The following C10orf90 variants were observed in gnomAD, a reference collection of about 807,000 sequenced individuals.
C10orf90 encodes the protein chromosome 10 open reading frame 90.
C10orf90 carries 56 observed loss-of-function variants against 62.5 expected under a neutral mutation model. The observed-to-expected ratio is 0.90, with a 90% CI of 0.72 to 1.12. The LOEUF is 1.12. Ranked by LOEUF, C10orf90 falls within the 50% of genes most tolerant of loss-of-function variation. The pLI is 0.00. For synonymous variants in C10orf90, 386 were observed against 340.4 expected, an observed-to-expected ratio of 1.13 and a Z score of -1.47; for missense variants, 970 against 880.4, an observed-to-expected ratio of 1.10 and a Z score of -1.29.
At chr10:126,608,672 C>G (rs1197091037) in intron 2 of C10orf90, among the ~76,000 whole-genome samples, 2 of 152,120 alleles carry the variant, frequency 1.3e-5, no homozygotes, top group Non-Finnish European at 2.9e-5. Flanking sequence ...TATGCAGAAG[C>G]AGATATGAAA....
chr10:126,507,095 C>T (rs1326866913), intron 3 of C10orf90, among the ~76,000 whole-genome samples: 8 of 152,072 alleles, frequency 5.3e-5, no homozygotes, highest in African/African-American at 9.7e-5. Flanking sequence ...CGGTGGCTCA[C>T]GCCTGTAATC....
intron 2 of C10orf90, among the ~76,000 whole-genome samples, chr10:126,528,382 A>G (rs1285576971): frequency 6.6e-6 from 1 of 152,216 alleles, no homozygotes; most frequent in Non-Finnish European, 1.5e-5. Context: ...GTGTGTGGGA[A>G]GAAAGAGCAA....
intron 2 of C10orf90, among the ~76,000 whole-genome samples, chr10:126,565,111 T>TAATATTTATATTAC (rs1564874001): frequency 2.2e-4 from 9 of 40,886 alleles, no homozygotes; most frequent in Non-Finnish European, 3.3e-4. Flanking sequence ...ATATAAAATA[T>TAATATTTATATTAC]ATATTATATA....
intron 2 of C10orf90, among the ~76,000 whole-genome samples, chr10:126,597,723 A>G (rs1845114925): frequency 6.6e-6 from 1 of 152,146 alleles, no homozygotes; most frequent in Admixed American, 6.5e-5. Flanking sequence ...AAATTTAATG[A>G]ATGACTAGAT....
chr10:126,603,155 C>T (rs1845233879), intron 2 of C10orf90, among the ~76,000 whole-genome samples: 1 of 150,918 alleles, frequency 6.6e-6, no homozygotes, highest in African/African-American at 2.4e-5. Context: ...TCCGTTCTCA[C>T]GCTGCTAATA....
chr10:126,442,497 A>ATATATATATATATATATATATATCTATC (rs1168803860), intron 7 of C10orf90, among the ~76,000 whole-genome samples: 1 of 110,454 alleles, frequency 9.1e-6, no homozygotes, highest in Admixed American at 9.2e-5. Flanking sequence ...ATATATATAT[A>ATATATATATATATATATATATATCTATC]TATATATATA....
chr10:126,553,380 T>A (rs1340391426), intron 2 of C10orf90, among the ~76,000 whole-genome samples: 1 of 152,078 alleles, frequency 6.6e-6, no homozygotes, highest in African/African-American at 2.4e-5. Context: ...TAGTGACAAA[T>A]AAGGACATGA....
At chr10:126,589,933 C>T (rs114441221) in intron 2 of C10orf90, among the ~76,000 whole-genome samples, 2,734 of 152,238 alleles carry the variant, frequency 0.018, 67 homozygotes, top group African/African-American at 0.061. Flanking sequence ...CATCATTATG[C>T]TGTCTTCAAA....
At chr10:126,478,239 C>A (rs1206133664) in intron 4 of C10orf90, among the ~76,000 whole-genome samples, 2 of 152,160 alleles carry the variant, frequency 1.3e-5, no homozygotes, top group East Asian at 1.9e-4. Flanking sequence ...ATAACTGGGA[C>A]CTATTCCCAC....
At chr10:126,642,085 C>G (rs111891189) in intron 2 of C10orf90, among the ~76,000 whole-genome samples, 2 of 152,128 alleles carry the variant, frequency 1.3e-5, no homozygotes, top group Non-Finnish European at 2.9e-5. Context: ...GGCTACCACC[C>G]GCATCACTGA....
chr10:126,649,510 C>T (rs1415218789), intron 1 of C10orf90, among the ~76,000 whole-genome samples: 3 of 152,144 alleles, frequency 2.0e-5, no homozygotes, highest in African/African-American at 7.2e-5. Flanking sequence ...CACGCATTGT[C>T]CTATTTGCAT....
chr10:126,496,605 C>T (rs906473862), intron 4 of C10orf90: 2 of 958,444 alleles, frequency 2.1e-6, no homozygotes, highest in African/African-American at 1.8e-5. Context: ...CCCTCCACTT[C>T]AATTTTAAAC....
rs115094714 is a variant in C10orf90 at position 126,551,496 on chromosome 10, G to A, written c.314-37557C>T. On this transcript the variant is annotated intron_variant, in intron 2 of 9. Transcript: ENST00000488181. ...ACATGTTGGATTGAATTCCTGAATG[G>A]TTAAACATTATATGGGGAGGGAGTG... Among the ~76,000 whole-genome samples the A allele has an allele frequency of 8.4e-3, 1,271 of 151,302 alleles. 22 individuals carry two copies. The highest frequency in any genetic ancestry group is 0.029 in the African/African-American group (1,218 of 41,308).
chr10:126,622,015 C>T (rs1845653343), intron 2 of C10orf90, among the ~76,000 whole-genome samples: 1 of 152,058 alleles, frequency 6.6e-6, no homozygotes, highest in African/African-American at 2.4e-5. Flanking sequence ...CAAGCATCGT[C>T]CTGGCCTATC....
intron 7 of C10orf90, among the ~76,000 whole-genome samples, chr10:126,441,524 G>A (rs1214257320): frequency 6.6e-6 from 1 of 152,110 alleles, no homozygotes; most frequent in East Asian, 1.9e-4. Context: ...AGTGCAAGAA[G>A]CACAAAGAAC....
chr10:126,450,083 C>T (rs976365847), intron 7 of C10orf90, among the ~76,000 whole-genome samples: 8 of 150,804 alleles, frequency 5.3e-5, no homozygotes, highest in South Asian at 2.1e-4. Context: ...TTTACACTGA[C>T]ATCACAAAAA....
chr10:126,425,888 C>T lies in C10orf90; in HGVS notation c.2367G>A (p.Gln789=). 1 of 1,614,106 alleles carries T rather than the reference C, an allele frequency of 6.2e-7. No homozygotes were observed. Among genetic ancestry groups the T allele is most frequent in the African/African-American group, 1.3e-5 (1 of 75,038 alleles). ...GTTAGACCGCATTCCTTTGAAGGAG[C>T]TGGTCCAGTAATTGCTAGAGGAAAA... ...AEVFKKQLLD[Q]LLQRNAV Residue 789 remains glutamine (Q), a synonymous_variant, in exon 10 of 10, where the codon CAG becomes CAA. Transcript: ENST00000488181.
intron 1 of C10orf90, among the ~76,000 whole-genome samples, chr10:126,657,080 T>C (rs1382624433): frequency 6.6e-6 from 1 of 152,184 alleles, no homozygotes; most frequent in Non-Finnish European, 1.5e-5. Context: ...GACCCGTGAA[T>C]CTGCATAGGG....
intron 1 of C10orf90, among the ~76,000 whole-genome samples, chr10:126,653,401 T>C (rs1846330032): frequency 6.6e-6 from 1 of 152,250 alleles, no homozygotes; most frequent in Admixed American, 6.5e-5. Context: ...ATTTCAACAA[T>C]GTCCACAGAA....
Sources: gnomAD v4.1 joint callset for allele counts (sites outside exome capture counted in the v4.1 genomes callset) on GRCh38, gnomAD v4.1.1 for gene constraint, MANE v1.5 for transcripts, NCBI Gene and HGNC (gene_info 2026-07-23, HGNC 2026-07-21) for gene names.